COMP: variants seen among roughly 807,000 people sequenced by gnomAD.
The protein encoded by COMP is cartilage oligomeric matrix protein.
In COMP, 79 loss-of-function variants were observed where a neutral mutation model predicts 95.8. The ratio of observed to expected loss-of-function variants is 0.82; its 90% CI spans 0.69 to 0.99. COMP has a LOEUF of 0.99. COMP is among the 50% of genes least tolerant of loss of function. The probability of loss-of-function intolerance (pLI) is 0.00; values close to 1 mark genes in which losing one functional copy is unlikely to be tolerated. For missense variants in COMP, 906 were observed against 1,076.1 expected (o/e 0.84, Z 2.21); for synonymous variants, 438 against 433.9 (o/e 1.01, Z -0.12).
intron 1 of COMP, 73 bp from the exon 2 acceptor site, chr19:18,791,008 G>A (rs2145905822): frequency 1.3e-6 from 2 of 1,537,102 alleles, no homozygotes; most frequent in South Asian, 1.2e-5. Flanking sequence ...CCGTTGCAGC[G>A]AACCCGGACC....
At position 18,788,451 on chromosome 19, in the gene COMP, G is replaced by C; in HGVS notation, c.826C>G (p.Pro276Ala). 6.2e-7 allele frequency: 1 copy of C among 1,611,208 alleles called. No individual in the cohort carries two copies. The highest frequency in any genetic ancestry group is 1.1e-5 in the South Asian group (1 of 90,902). Residue 276 changes from proline to alanine, a missense_variant, in exon 8 of 19, where the codon CCG (proline) becomes GCG (alanine). Coordinates refer to ENST00000222271, the MANE Select transcript of COMP (RefSeq NM_000095.3). The surrounding 1 kb of genome is among the most constrained non-coding windows in gnomAD (Gnocchi z 4.7). ...TCCGGGCAGCGCAGCTTCTCGTCCG[G>C]GAAGCCGTCTAGGTCAGTGTCGCGA... ...CGRDTDLDGF[P>A]DEKLRCPERQ...
chr19:18,788,953 C>T lies in COMP; in HGVS notation c.529-40G>A, dbSNP rs368406922. On this transcript the variant is annotated intron_variant, in intron 5 of 18. Transcript: ENST00000222271. The surrounding 1 kb of genome is among the most constrained non-coding windows in gnomAD (Gnocchi z 4.7). ...CTCAGAGGTCACCACCCCACGCAGACACCTCCGGACCTCCCACCTCCTCCA... is the reference window on the plus strand; with the variant it reads ...CTCAGAGGTCACCACCCCACGCAGATACCTCCGGACCTCCCACCTCCTCCA... 26 of 1,603,796 alleles carry T rather than the reference C, an allele frequency of 1.6e-5. No individual in the cohort carries two copies. Among genetic ancestry groups the T allele is most frequent in the Non-Finnish European group, 2.1e-5 (25 of 1,173,972 alleles).
rs2145904919 is a variant in COMP, at chr19:18,790,074, C to T, written c.258G>A (p.Arg86=). Residue 86 remains arginine (R), a synonymous_variant, in exon 4 of 19, where the codon CGG becomes CGA. Coordinates refer to ENST00000222271, the MANE Select transcript of COMP (RefSeq NM_000095.3). Reference sequence around the variant, plus strand: ...AGCCGGGCGCGCAGTGGAGCAGGGGCCGCACGCTGGGTAGGCCGGTGCGTA... The same window carrying T: ...AGCCGGGCGCGCAGTGGAGCAGGGGTCGCACGCTGGGTAGGCCGGTGCGTA... ...QSVRTGLPSV[R]PLLHCAPGFC... The T allele has an allele frequency of 3.2e-6, 5 of 1,547,144 alleles. No homozygotes were observed. The East Asian group carries it at 9.6e-5, about 30-fold the overall frequency.
rs1342450726 is a variant in COMP at position 18,784,412 on chromosome 19, C to T, written c.1915-49G>A. On this transcript the variant is annotated intron_variant, in intron 16 of 18. Transcript: ENST00000222271. The surrounding 1 kb of genome is among the most constrained non-coding windows in gnomAD (Gnocchi z 4.9). ...TCAGAGACCTCGTGGGCCACCGGAG[C>T]CCCCCTAGACACCTTCCTGGAGAGA... The T allele has an allele frequency of 1.2e-6, 2 of 1,605,662 alleles. No homozygotes were observed. Among genetic ancestry groups the T allele is most frequent in the Admixed American group, 1.7e-5 (1 of 59,884 alleles).
chr19:18,783,653 A>G (rs182225907), intron 17 of COMP, among the ~76,000 whole-genome samples: 3 of 144,828 alleles, frequency 2.1e-5, no homozygotes, highest in Non-Finnish European at 4.5e-5. Context: ...CTTGTCACCC[A>G]TGCTGGAGTG....
rs1250402123 is a variant in COMP, at chr19:18,784,690, T to G, written c.1914+206A>C. Among the ~76,000 whole-genome samples, 3 of 151,714 alleles carry G rather than the reference T, an allele frequency of 2.0e-5. No homozygotes were observed. The highest frequency in any genetic ancestry group is 6.6e-5 in the Admixed American group (1 of 15,250). Reference sequence around the variant, plus strand: ...GAGGGTTTAGGGTCCATAGGAAGACTGGGGGGCCCTGAGAATGTTTGAGAA... The same window carrying G: ...GAGGGTTTAGGGTCCATAGGAAGACGGGGGGGCCCTGAGAATGTTTGAGAA... On this transcript the variant is annotated intron_variant, in intron 16 of 18. Transcript: ENST00000222271. The surrounding 1 kb of genome is among the most constrained non-coding windows in gnomAD (Gnocchi z 4.9).
In COMP at chr19:18,785,097, G is replaced by A; in HGVS notation, c.1718-5C>T. On this transcript the variant is annotated splice_polypyrimidine_tract_variant and splice_region_variant and intron_variant, in intron 15 of 18. Transcript: ENST00000222271. ...CGCCATTGAAGGCAGTGTAACCTAG[G>A]GATGGAAAGAGAGCAGTGGCCTTTC... 6.2e-7 allele frequency: 1 copy of A among 1,613,744 alleles called. No individual in the cohort carries two copies. The highest frequency in any genetic ancestry group is 8.5e-7 in the Non-Finnish European group (1 of 1,179,864).
At chr19:18,783,599 AC>A (rs1367356511) in intron 17 of COMP, among the ~76,000 whole-genome samples, 1 of 147,880 alleles carries the variant, frequency 6.8e-6, no homozygotes, top group Non-Finnish European at 1.5e-5. Flanking sequence ...GGCACGTGCC[AC>A]CATGCCTGGC....
chr19:18,782,913 C>A lies in COMP; in HGVS notation c.*2G>T. 1 of 1,611,446 alleles carries A rather than the reference C, an allele frequency of 6.2e-7. No homozygotes were observed. Among genetic ancestry groups the A allele is most frequent in the South Asian group, 1.1e-5 (1 of 91,038 alleles). On this transcript the variant is annotated 3_prime_UTR_variant, in exon 19 of 19. Coordinates refer to ENST00000222271, the MANE Select transcript of COMP (RefSeq NM_000095.3). ...TCATCCGGCGGGTCCTCACCCTGGT[C>A]CCTAGGCTTGCCGCAGCTGATGGGT...
In COMP at chr19:18,788,511, C is replaced by T. The variant is rs1601057564; in HGVS notation, c.766G>A (p.Ala256Thr). ...ATCCCGTTGCCGGCCCAGCCAACGG[C>T]ACACTGTGGGAGAGTGTAAGTGGGT... ...ERDGSRSCVCAVGWAGNGILC... is the reference protein window; with the variant it reads ...ERDGSRSCVCTVGWAGNGILC... Residue 256 changes from alanine to threonine, a missense_variant, in exon 8 of 19, where the codon GCC becomes ACC. Physicochemically the swap from Ala to Thr is moderately conservative, Grantham distance 58. Coordinates refer to ENST00000222271, the MANE Select transcript of COMP (RefSeq NM_000095.3). This position sits in a 1 kb window ranked among gnomAD's most constrained non-coding sequence, Gnocchi z 4.7. The T allele has an allele frequency of 6.2e-7, 1 of 1,602,714 alleles. No individual in the cohort carries two copies. The highest frequency in any genetic ancestry group is 8.5e-7 in the Non-Finnish European group (1 of 1,175,238).
rs531255842 is a variant in COMP at position 18,787,367 on chromosome 19, C to T, written c.1135+124G>A. The T allele has an allele frequency of 2.3e-4, 327 of 1,401,432 alleles. No homozygotes were observed. In the African/African-American group the frequency reaches 4.2e-3, roughly 18 times the overall value. The allele number at this position is 1,401,432 out of a possible 1,614,324, so 86.8% of individuals were successfully genotyped here. A position where few individuals can be genotyped will look rare whatever the true frequency, so the allele number is the denominator to read the frequency against. Reference sequence around the variant, plus strand: ...TGGCGCCCCACCATGGTCTTTGGTCCAGGGCGCCCTAGTCCAGCTTACCCC... The same window carrying T: ...TGGCGCCCCACCATGGTCTTTGGTCTAGGGCGCCCTAGTCCAGCTTACCCC... On this transcript the variant is annotated intron_variant, in intron 10 of 18. Transcript: ENST00000222271.
rs1451644299 is a variant in COMP, at chr19:18,786,646, G to C, written c.1140C>G (p.Ile380Met). Residue 380 changes from isoleucine (I) to methionine (M), a missense_variant, in exon 11 of 19, where the codon ATC becomes ATG. By Grantham distance (10) the Ile-to-Met change is conservative (BLOSUM62 1). Transcript: ENST00000222271. ...ACDDDIDGDR[I>M]RNQADNCPRV... ...TAGGGCAGTTGTCGGCCTGGTTGCG[G>C]ATCCCTGCAGAAATCCACGGGACCA... The C allele has an allele frequency of 6.2e-7, 1 of 1,613,338 alleles. No individual in the cohort carries two copies. Among genetic ancestry groups the C allele is most frequent in the South Asian group, 1.1e-5 (1 of 91,064 alleles).
rs2055190603 is a variant in COMP at position 18,788,932 on chromosome 19, G to A, written c.529-19C>T. 1.2e-6 allele frequency: 2 copies of A among 1,612,078 alleles called. No homozygotes were observed. The highest frequency in any genetic ancestry group is 3.3e-5 in the Admixed American group (2 of 59,836). On this transcript the variant is annotated intron_variant, in intron 5 of 18. Coordinates refer to ENST00000222271, the MANE Select transcript of COMP (RefSeq NM_000095.3). The surrounding 1 kb of genome is among the most constrained non-coding windows in gnomAD (Gnocchi z 4.7). ...TGCAAACCTAGGGGAGGGGAACTCAGAGGTCACCACCCCACGCAGACACCT... is the reference window on the plus strand; with the variant it reads ...TGCAAACCTAGGGGAGGGGAACTCAAAGGTCACCACCCCACGCAGACACCT...
chr19:18,788,596 C>A lies in COMP; in HGVS notation c.758G>T (p.Cys253Phe). 1 of 1,553,676 alleles carries A rather than the reference C, an allele frequency of 6.4e-7. No individual in the cohort carries two copies. ...CVLERDGSRS[C>F]VCAVGWAGNG... ...GCCCAGCCCGCCCGCACTCACCACG[C>A]ACGACCGCGAGCCATCGCGCTCTAG... The change falls in exon 7 of 19, where the codon TGC becomes TTC. Residue 253 changes from cysteine to phenylalanine, a missense_variant. Physicochemically the swap from Cys to Phe is radical, Grantham distance 205. Transcript: ENST00000222271. This position sits in a 1 kb window ranked among gnomAD's most constrained non-coding sequence, Gnocchi z 4.7.
chr19:18,786,763 CTTTTTTTTTTTTTTTTT>C (rs10577504), intron 10 of COMP, 113 bp from the exon 11 acceptor site: 88 of 283,740 alleles, frequency 3.1e-4, no homozygotes, highest in Middle Eastern at 1.1e-3. Context: ...TTCATGGAAG[CTTTTTTTTTTTTTTTTT>C]TTTTTTTTTT....
chr19:18,787,275 A>G (rs1235077037), intron 10 of COMP, among the ~76,000 whole-genome samples: 1 of 152,226 alleles, frequency 6.6e-6, no homozygotes, highest in African/African-American at 2.4e-5. Flanking sequence ...GCATTGACAC[A>G]GGGACCACCT....
chr19:18,787,456 GC>G, intron 10 of COMP, 34 bp downstream of exon 10: 1 of 1,602,478 alleles, frequency 6.2e-7, no homozygotes, highest in Non-Finnish European at 8.5e-7. Context: ...GGTGCCCGCC[GC>G]CTCTCCTCGC....
Position 18,787,864 on chromosome 19 carries a change from CTCTT to C in COMP, c.976-218_976-215del, listed in dbSNP as rs1555791611. Reference sequence around the variant, plus strand: ...TCTTTTCTTTTTTCTTTTTCTTTTTCTCTTTCTTTCTTTCTTTCTTTCTTTCTTT... The same window carrying C: ...TCTTTTCTTTTTTCTTTTTCTTTTTCTCTTTCTTTCTTTCTTTCTTTCTTT... On this transcript the variant is annotated intron_variant, in intron 9 of 18. Transcript: ENST00000222271. 2.5e-3 allele frequency among the ~76,000 whole-genome samples: 274 copies of C among 108,868 alleles called. 2 individuals carry two copies. The highest frequency in any genetic ancestry group is 3.7e-3 in the Non-Finnish European group (200 of 54,422). 71.4% of individuals were successfully genotyped at this position (108,868 alleles called of 152,430 possible).
intron 15 of COMP, 149 bp downstream of exon 15, chr19:18,785,349 A>T: frequency 4.9e-6 from 1 of 205,844 alleles, no homozygotes. Context: ...GGGCCCGCCC[A>T]TATAACCCCG....
Sources: allele counts gnomAD v4.1 joint callset (sites outside exome capture counted in the v4.1 genomes callset), GRCh38; gene constraint gnomAD v4.1.1; non-coding constraint Gnocchi (gnomAD v3.1); transcripts MANE v1.5; gene names NCBI Gene and HGNC (gene_info 2026-07-23, HGNC 2026-07-21).